The following WNK3 variants were observed in gnomAD, a reference collection of about 807,000 sequenced individuals.
WNK3 encodes WNK lysine deficient protein kinase 3, also known as serine/threonine-protein kinase WNK3.
Under a neutral mutation model 116.7 loss-of-function variants are expected in WNK3, and 18 were observed. The observed-to-expected ratio is 0.15, with a 90% CI of 0.11 to 0.23. The LOEUF is 0.23. WNK3 is among the 10% of genes least tolerant of loss of function. The pLI is 1.00. For synonymous variants in WNK3, 404 were observed against 469.4 expected (o/e 0.86, Z 1.80); for missense variants, 993 against 1,323.8 (o/e 0.75, Z 3.88).
intron 23 of WNK3, among the ~76,000 whole-genome samples, chrX:54,201,463 A>G (rs1038864489): frequency 4.5e-5 from 5 of 112,276 alleles, no homozygotes; most frequent in African/African-American, 6.5e-5. Flanking sequence ...ATAATGAACA[A>G]ATAACTTATC....
intron 22 of WNK3, among the ~76,000 whole-genome samples, chrX:54,228,040 G>A (rs782778751): frequency 3.6e-5 from 4 of 110,808 alleles, no homozygotes; most frequent in South Asian, 3.8e-4. Flanking sequence ...ACAGGCGTGC[G>A]CCACCATGCC....
chrX:54,237,918 G>A (rs1442085366), intron 19 of WNK3, among the ~76,000 whole-genome samples: 1 of 111,457 alleles, frequency 9.0e-6, no homozygotes, highest in Non-Finnish European at 1.9e-5. Context: ...AATTAAATAT[G>A]ACAATGATCT....
At chrX:54,209,288 T>C (rs2067586992) in intron 22 of WNK3, among the ~76,000 whole-genome samples, 1 of 108,547 alleles carries the variant, frequency 9.2e-6, no homozygotes, top group East Asian at 3.0e-4. Flanking sequence ...CCAGGCGTGT[T>C]GGTGCGCACC....
At chrX:54,356,787 ACTATTCGCAT>A (rs1557179458) in intron 1 of WNK3, among the ~76,000 whole-genome samples, 1 of 111,288 alleles carries the variant, frequency 9.0e-6, no homozygotes, top group Non-Finnish European at 1.9e-5. Flanking sequence ...AAATAGCCAT[ACTATTCGCAT>A]CTGTTTTGAG....
chrX:54,224,736 A>AT (rs1557147421), intron 22 of WNK3, among the ~76,000 whole-genome samples: 1 of 109,428 alleles, frequency 9.1e-6, no homozygotes, highest in African/African-American at 3.3e-5. Context: ...CACTGGGCTA[A>AT]TTTTTTGTAT....
rs2069200999 is a variant in WNK3, at chrX:54,333,811, A to G, written c.-119-19T>C. On this transcript the variant is annotated intron_variant, in intron 1 of 23. Coordinates refer to ENST00000354646, the Ensembl canonical transcript of WNK3. ...TAGCAACCTGAAGGGGGGGAAAAAG[A>G]TATTTTAAAATCACCCTACAAAGGA... 2.2e-6 allele frequency: 1 copy of G among 447,349 alleles called. No homozygotes were observed. 36.9% of individuals were successfully genotyped at this position (447,349 alleles called of 1,213,427 possible). A position where few individuals can be genotyped will look rare whatever the true frequency, so the allele number is the denominator to read the frequency against.
intron 22 of WNK3, among the ~76,000 whole-genome samples, chrX:54,207,413 C>A (rs1472410341): frequency 9.1e-6 from 1 of 110,367 alleles, no homozygotes; most frequent in African/African-American, 3.3e-5. Flanking sequence ...TCTTGCAAAT[C>A]TTGCATTTTT....
intron 22 of WNK3, among the ~76,000 whole-genome samples, chrX:54,222,939 T>TATATATAA (rs1456382104): frequency 1.1e-5 from 1 of 89,729 alleles, no homozygotes; most frequent in Admixed American, 1.3e-4. Context: ...TATATATATA[T>TATATATAA]AAAAAAAGAC....
intron 22 of WNK3, among the ~76,000 whole-genome samples, chrX:54,223,162 G>A (rs1479887066): frequency 9.1e-6 from 1 of 109,401 alleles, no homozygotes; most frequent in Non-Finnish European, 1.9e-5. Flanking sequence ...TAAAAAACAT[G>A]ATTTAACTAT....
At chrX:54,351,764 T>A (rs1341968346) in intron 1 of WNK3, among the ~76,000 whole-genome samples, 1 of 110,221 alleles carries the variant, frequency 9.1e-6, no homozygotes, top group Non-Finnish European at 1.9e-5. Context: ...ATACAAAAAC[T>A]AGTTGGGCGT....
chrX:54,329,296 G>T (rs1557173890), intron 2 of WNK3, among the ~76,000 whole-genome samples: 1 of 111,768 alleles, frequency 8.9e-6, no homozygotes, highest in Non-Finnish European at 1.9e-5. Context: ...ACTTCGAGTA[G>T]TAAGACCTTA....
intron 10 of WNK3, among the ~76,000 whole-genome samples, chrX:54,269,468 G>A (rs1347257455): frequency 3.6e-5 from 4 of 111,577 alleles, no homozygotes; most frequent in African/African-American, 9.8e-5. Flanking sequence ...CATTGCCAGC[G>A]GGAACGTATT....
At chrX:54,268,080 GCACA>G (rs57010526) in intron 10 of WNK3, among the ~76,000 whole-genome samples, 8,657 of 80,643 alleles carry the variant, frequency 0.11, 377 homozygotes, top group African/African-American at 0.12. Flanking sequence ...CTGAATGCGT[GCACA>G]CACACACACA....
chrX:54,308,337 G>A (rs1260884906), intron 4 of WNK3, among the ~76,000 whole-genome samples: 9 of 109,997 alleles, frequency 8.2e-5, no homozygotes, highest in Non-Finnish European at 1.5e-4. Context: ...GATTACAAGC[G>A]CCTGCCACCA....
chrX:54,224,433 TCTC>T (rs1430862140), intron 22 of WNK3, among the ~76,000 whole-genome samples: 5 of 107,877 alleles, frequency 4.6e-5, no homozygotes, highest in African/African-American at 1.7e-4. Flanking sequence ...TAATAATAAT[TCTC>T]CTTCAGCCAA....
At chrX:54,219,023 G>A (rs1370525471) in intron 22 of WNK3, among the ~76,000 whole-genome samples, 1 of 111,588 alleles carries the variant, frequency 9.0e-6, no homozygotes, top group African/African-American at 3.2e-5. Flanking sequence ...ATGCATAATA[G>A]GAGTTCCAAA....
intron 6 of WNK3, among the ~76,000 whole-genome samples, chrX:54,299,128 T>G (rs1246621302): frequency 2.7e-5 from 3 of 112,157 alleles, no homozygotes; most frequent in Admixed American, 1.9e-4. Flanking sequence ...AATTTACTTT[T>G]ACTAACTTTT....
At chrX:54,212,567 C>G (rs2067628206) in intron 22 of WNK3, among the ~76,000 whole-genome samples, 1 of 112,292 alleles carries the variant, frequency 8.9e-6, no homozygotes, top group African/African-American at 3.2e-5. Flanking sequence ...TGAGTGGCAC[C>G]TGTAATACTG....
intron 10 of WNK3, among the ~76,000 whole-genome samples, chrX:54,291,036 G>A (rs2068632498): frequency 9.0e-6 from 1 of 111,567 alleles, no homozygotes; most frequent in Non-Finnish European, 1.9e-5. Flanking sequence ...GTTGTTGGCC[G>A]GGCACGGTGG....
Sources: allele counts gnomAD v4.1 joint callset (sites outside exome capture counted in the v4.1 genomes callset), GRCh38; gene constraint gnomAD v4.1.1; transcripts MANE v1.5; gene names NCBI Gene and HGNC (gene_info 2026-07-23, HGNC 2026-07-21).